The following COMMD10 variants were observed in gnomAD, a reference collection of about 807,000 sequenced individuals.
COMMD10 encodes the protein COMM domain containing 10.
A neutral mutation model predicts 28.9 loss-of-function variants in COMMD10; 33 were observed. The observed-to-expected ratio is 1.14, with a 90% CI of 0.87 to 1.53. The LOEUF is 1.53. COMMD10 is among the 40% of genes most tolerant of loss of function. COMMD10 has a pLI of 0.00. For synonymous variants in COMMD10, 110 were observed against 81.7 expected (o/e 1.35, Z -1.87); for missense variants, 310 against 233.4 (o/e 1.33, Z -2.14).
At chr5:116,263,568 C>CA (rs1174441849) in intron 5 of COMMD10, among the ~76,000 whole-genome samples, 2 of 151,596 alleles carry the variant, frequency 1.3e-5, no homozygotes, top group Non-Finnish European at 2.9e-5. Flanking sequence ...CGATAAGAAA[C>CA]ATTTTACAGC....
rs573018685 is a variant in COMMD10, at chr5:116,149,369, C to T, written c.510+15191C>T. Among the ~76,000 whole-genome samples, 5 of 141,400 alleles carry T rather than the reference C, an allele frequency of 3.5e-5. No homozygotes were observed. The East Asian group carries it at 8.1e-4, about 23-fold the overall frequency. 92.8% of individuals were successfully genotyped at this position (141,400 alleles called of 152,430 possible). On this transcript the variant is annotated intron_variant, in intron 5 of 6. Coordinates refer to ENST00000274458, the MANE Select transcript of COMMD10 (RefSeq NM_016144.4). ...GATTTATAGTCCTTTGGGTATATAC[C>T]GAGTAGTGGGATGGCTGGGTCAAAT... is the stretch of plus-strand genomic sequence containing the variant.
intron 5 of COMMD10, among the ~76,000 whole-genome samples, chr5:116,239,585 G>GT (rs1365735663): frequency 1.3e-5 from 2 of 152,106 alleles, no homozygotes; most frequent in Admixed American, 1.3e-4. Flanking sequence ...GCCTTTGCAG[G>GT]TAATGCCAAC....
chr5:116,121,028 A>C (rs1223175495), intron 4 of COMMD10, among the ~76,000 whole-genome samples: 3 of 152,150 alleles, frequency 2.0e-5, no homozygotes, highest in Non-Finnish European at 4.4e-5. Context: ...ACATATGCAC[A>C]ACGTGCAGGT....
chr5:116,187,127 AC>A (rs1325404388), intron 5 of COMMD10, among the ~76,000 whole-genome samples: 1 of 152,112 alleles, frequency 6.6e-6, no homozygotes, highest in Non-Finnish European at 1.5e-5. Context: ...AACTTTAAAA[AC>A]AGTATGGGAA....
At chr5:116,186,580 ACTTCATAC>A (rs1222742921) in intron 5 of COMMD10, among the ~76,000 whole-genome samples, 1 of 152,036 alleles carries the variant, frequency 6.6e-6, no homozygotes, top group Non-Finnish European at 1.5e-5. Context: ...GAGTTCTCCT[ACTTCATAC>A]CTTCTCTTCA....
chr5:116,212,773 C>A (rs1443881134), intron 5 of COMMD10, among the ~76,000 whole-genome samples: 1 of 151,976 alleles, frequency 6.6e-6, no homozygotes, highest in African/African-American at 2.4e-5. Flanking sequence ...TTAGTACAAA[C>A]ATCGAAGGCT....
intron 5 of COMMD10, among the ~76,000 whole-genome samples, chr5:116,184,840 G>T (rs1335225415): frequency 1.3e-5 from 2 of 152,020 alleles, no homozygotes; most frequent in Admixed American, 1.3e-4. Context: ...CATGAATCTT[G>T]GAGGCAATGT....
intron 5 of COMMD10, among the ~76,000 whole-genome samples, chr5:116,276,233 A>G (rs1035125075): frequency 6.6e-6 from 1 of 151,620 alleles, no homozygotes; most frequent in Non-Finnish European, 1.5e-5. Flanking sequence ...CATGTGAAGC[A>G]TGATTGAGAA....
At chr5:116,093,838 A>G (rs938358919) in intron 4 of COMMD10, among the ~76,000 whole-genome samples, 2 of 152,190 alleles carry the variant, frequency 1.3e-5, no homozygotes, top group African/African-American at 2.4e-5. Context: ...ATATATACCA[A>G]TGGAACAGCA....
intron 5 of COMMD10, among the ~76,000 whole-genome samples, chr5:116,190,787 A>G (rs577995747): frequency 7.9e-5 from 12 of 152,364 alleles, no homozygotes; most frequent in East Asian, 1.9e-4. Context: ...TGAAAACTCA[A>G]ACCTTAAGTT....
chr5:116,173,268 A>G (rs1166517207), intron 5 of COMMD10, among the ~76,000 whole-genome samples: 2 of 152,134 alleles, frequency 1.3e-5, no homozygotes, highest in African/African-American at 4.8e-5. Context: ...CCTAAGTTAT[A>G]CTTCCTCTAG....
At chr5:116,137,912 T>C (rs900126657) in intron 5 of COMMD10, among the ~76,000 whole-genome samples, 10 of 151,984 alleles carry the variant, frequency 6.6e-5, no homozygotes, top group Non-Finnish European at 1.5e-4. Flanking sequence ...TTTAGCAAAG[T>C]GAGATTATTT....
intron 5 of COMMD10, among the ~76,000 whole-genome samples, chr5:116,197,928 G>C (rs1316664929): frequency 2.6e-5 from 4 of 152,104 alleles, no homozygotes; most frequent in African/African-American, 9.7e-5. Flanking sequence ...GTTTAGCCCA[G>C]AACTATGGAT....
intron 5 of COMMD10, among the ~76,000 whole-genome samples, chr5:116,200,448 G>A (rs1195527795): frequency 6.6e-6 from 1 of 151,852 alleles, no homozygotes; most frequent in Admixed American, 6.6e-5. Flanking sequence ...GAGCTTCCTG[G>A]ATCTATGGTT....
chr5:116,128,447 TAATA>T (rs1171206054), intron 4 of COMMD10, among the ~76,000 whole-genome samples: 3 of 152,020 alleles, frequency 2.0e-5, no homozygotes, highest in African/African-American at 4.8e-5. Context: ...GAATATGAAA[TAATA>T]AAGAAATTAC....
At chr5:116,230,511 T>A (rs1357954226) in intron 5 of COMMD10, among the ~76,000 whole-genome samples, 1 of 152,024 alleles carries the variant, frequency 6.6e-6, no homozygotes, top group Non-Finnish European at 1.5e-5. Context: ...CCTGCTGAAT[T>A]AAGGAAACAC....
intron 4 of COMMD10, among the ~76,000 whole-genome samples, chr5:116,127,316 A>T (rs1341781446): frequency 6.6e-6 from 1 of 152,216 alleles, no homozygotes; most frequent in Non-Finnish European, 1.5e-5. Flanking sequence ...CAATGCTTTT[A>T]CACCTTTGGT....
intron 4 of COMMD10, among the ~76,000 whole-genome samples, chr5:116,128,921 C>T (rs1402797326): frequency 1.3e-5 from 2 of 151,906 alleles, no homozygotes; most frequent in Middle Eastern, 3.2e-3. Context: ...ATCACACCTA[C>T]AGGTGCTTGA....
chr5:116,176,132 G>C (rs1209520858), intron 5 of COMMD10, among the ~76,000 whole-genome samples: 1 of 152,076 alleles, frequency 6.6e-6, no homozygotes, highest in Non-Finnish European at 1.5e-5. Context: ...TTTATTTGTT[G>C]AGATAGATTG....
Sources: allele counts gnomAD v4.1 joint callset (sites outside exome capture counted in the v4.1 genomes callset), GRCh38; gene constraint gnomAD v4.1.1; transcripts MANE v1.5; gene names NCBI Gene and HGNC (gene_info 2026-07-23, HGNC 2026-07-21).